Variants in SHTN1 observed in about 807,000 individuals in gnomAD.
SHTN1 encodes shootin 1.
In SHTN1, 42 loss-of-function variants were observed where a neutral mutation model predicts 83.1. The observed-to-expected ratio is 0.51, with a 90% CI of 0.39 to 0.65. The LOEUF is 0.65. Among genes scored for constraint, SHTN1 ranks in the 30% least tolerant of loss-of-function variants. The pLI is 0.00. For synonymous variants in SHTN1, 224 were observed against 247.7 expected (o/e 0.90, Z 0.90); for missense variants, 622 against 737.8 (o/e 0.84, Z 1.82).
At chr10:117,122,730 C>T (rs1853949520) in intron 1 of SHTN1, among the ~76,000 whole-genome samples, 1 of 152,188 alleles carries the variant, frequency 6.6e-6, no homozygotes, top group Non-Finnish European at 1.5e-5. Flanking sequence ...GTTAAATTGT[C>T]TACTATGTAC....
chr10:117,071,729 T>C (rs1448436181), intron 1 of SHTN1, among the ~76,000 whole-genome samples: 2 of 152,038 alleles, frequency 1.3e-5, no homozygotes, highest in African/African-American at 2.4e-5. Context: ...CAGAAAACTG[T>C]TGGAGTTATC....
chr10:116,899,116 A>C (rs543256785), intron 16 of SHTN1, among the ~76,000 whole-genome samples: 1 of 152,352 alleles, frequency 6.6e-6, no homozygotes, highest in Non-Finnish European at 1.5e-5. Context: ...GAATTGTTCC[A>C]TGTGTGTAAG....
chr10:117,051,056 C>CA (rs1852733604), intron 1 of SHTN1, among the ~76,000 whole-genome samples: 1 of 151,386 alleles, frequency 6.6e-6, no homozygotes, highest in East Asian at 1.9e-4. Context: ...GATCCTGTCT[C>CA]AAAAAAACAA....
At chr10:116,965,065 T>C (rs1438282943) in intron 3 of SHTN1, among the ~76,000 whole-genome samples, 1 of 152,178 alleles carries the variant, frequency 6.6e-6, no homozygotes, top group African/African-American at 2.4e-5. Flanking sequence ...TGTAGTGGTG[T>C]TCTTTGTGTG....
intron 1 of SHTN1, among the ~76,000 whole-genome samples, chr10:117,064,073 A>G (rs1852937353): frequency 1.3e-5 from 2 of 152,162 alleles, no homozygotes; most frequent in Admixed American, 6.5e-5. Context: ...CCTTTACAGC[A>G]AGTCTCATTG....
chr10:117,083,998 C>T (rs1853311106), intron 1 of SHTN1, among the ~76,000 whole-genome samples: 1 of 152,108 alleles, frequency 6.6e-6, no homozygotes, highest in South Asian at 2.1e-4. Context: ...GAATGTCCTC[C>T]CATAGCTCAG....
chr10:117,017,574 T>C (rs1243230908), intron 2 of SHTN1, among the ~76,000 whole-genome samples: 1 of 151,920 alleles, frequency 6.6e-6, no homozygotes, highest in African/African-American at 2.4e-5. Context: ...GAGTTCATAC[T>C]GATATAAATA....
At chr10:117,095,952 GC>G (rs758766105) in intron 1 of SHTN1, among the ~76,000 whole-genome samples, 4 of 152,126 alleles carry the variant, frequency 2.6e-5, no homozygotes, top group Non-Finnish European at 4.4e-5. Context: ...TTGCCCTTGA[GC>G]TTTAAAATGT....
intron 2 of SHTN1, among the ~76,000 whole-genome samples, chr10:117,028,264 C>T (rs1214012020): frequency 1.3e-5 from 2 of 152,036 alleles, no homozygotes; most frequent in African/African-American, 2.4e-5. Flanking sequence ...AGCCTTTGTT[C>T]ATATGTGTGA....
upstream of SHTN1, chr10:117,005,234 C>A: frequency 2.7e-6 from 4 of 1,490,036 alleles, no homozygotes; most frequent in Non-Finnish European, 3.6e-6. Flanking sequence ...GCGGAGCGCG[C>A]GAGTGAGATC....
chr10:117,103,743 A>G (rs538685767), intron 1 of SHTN1, among the ~76,000 whole-genome samples: 25 of 151,700 alleles, frequency 1.6e-4, no homozygotes, highest in South Asian at 1.5e-3. Flanking sequence ...TCACTGTGTT[A>G]GCCAGGATGG....
At chr10:117,004,988 G>A (rs772754384) in intron 1 of SHTN1, 34 bp downstream of exon 1, 3 of 1,567,644 alleles carry the variant, frequency 1.9e-6, no homozygotes, top group South Asian at 1.2e-5. Flanking sequence ...CACGGGCCGC[G>A]GCTGCCCACA....
intron 2 of SHTN1, chr10:117,023,965 T>C (rs1247973149): frequency 6.6e-6 from 1 of 152,656 alleles, no homozygotes; most frequent in East Asian, 1.9e-4. Flanking sequence ...CAGAGTAATA[T>C]GAATTGGCAT....
chr10:117,036,975 T>C (rs1391413993), intron 2 of SHTN1, among the ~76,000 whole-genome samples: 1 of 152,214 alleles, frequency 6.6e-6, no homozygotes, highest in Non-Finnish European at 1.5e-5. Context: ...ACAACTGTCT[T>C]TGTTTGCAGA....
intron 1 of SHTN1, among the ~76,000 whole-genome samples, chr10:117,060,023 C>A (rs934022718): frequency 2.0e-5 from 3 of 152,038 alleles, no homozygotes; most frequent in Non-Finnish European, 2.9e-5. Context: ...CCAACCTGGG[C>A]AATACAGCCA....
rs574386993 is a variant in SHTN1, at chr10:116,884,339, A to G, written c.*2005T>C. On this transcript the variant is annotated 3_prime_UTR_variant, in exon 17 of 17. Coordinates refer to ENST00000355371, the MANE Select transcript of SHTN1 (RefSeq NM_001127211.3). Reference sequence around the variant, plus strand: ...ACTGTAGGCAGAAAAAGGTGAGTGAATATCTTCCATCAAATACCTTCATGT... The same window carrying G: ...ACTGTAGGCAGAAAAAGGTGAGTGAGTATCTTCCATCAAATACCTTCATGT... 20 of 441,252 alleles carry G rather than the reference A, an allele frequency of 4.5e-5. No homozygotes were observed. In the East Asian group the frequency reaches 1.4e-3, roughly 32 times the overall value. The allele number at this position is 441,252 out of a possible 1,614,324, so 27.3% of individuals were successfully genotyped here.
At chr10:116,969,691 A>T (rs1850535345) in intron 2 of SHTN1, among the ~76,000 whole-genome samples, 1 of 152,252 alleles carries the variant, frequency 6.6e-6, no homozygotes, top group South Asian at 2.1e-4. Flanking sequence ...CTATTAGAGC[A>T]TAAGGACCTT....
At chr10:117,063,996 G>A (rs188599228) in intron 1 of SHTN1, among the ~76,000 whole-genome samples, 52 of 152,136 alleles carry the variant, frequency 3.4e-4, no homozygotes, top group Non-Finnish European at 4.7e-4. Context: ...GTATCACTTC[G>A]GAATAAAGGA....
chr10:117,111,314 G>A (rs1023786252), intron 1 of SHTN1, among the ~76,000 whole-genome samples: 5 of 151,872 alleles, frequency 3.3e-5, no homozygotes, highest in African/African-American at 1.2e-4. Context: ...CTTTCTTTGA[G>A]ATGGAGTCTC....
Sources: gnomAD v4.1 joint callset for allele counts (sites outside exome capture counted in the v4.1 genomes callset) on GRCh38, gnomAD v4.1.1 for gene constraint, MANE v1.5 for transcripts, NCBI Gene and HGNC (gene_info 2026-07-23, HGNC 2026-07-21) for gene names.